Variants in MANBA observed in about 807,000 individuals in gnomAD.
The protein encoded by MANBA is beta-mannosidase.
In MANBA, 83 loss-of-function variants were observed where a neutral mutation model predicts 111.1. The ratio of observed to expected loss-of-function variants is 0.75; its 90% CI spans 0.63 to 0.90. The LOEUF is 0.90. MANBA is among the 40% of genes least tolerant of loss of function. The pLI, the probability that MANBA is intolerant of heterozygous loss-of-function variation, is 0.00. For synonymous variants in MANBA, 370 were observed against 378.7 expected, an observed-to-expected ratio of 0.98 and a Z score of 0.27; for missense variants, 1,036 against 1,069.0, an observed-to-expected ratio of 0.97 and a Z score of 0.43.
At chr4:102,683,938 T>A (rs1217701013) in intron 7 of MANBA, among the ~76,000 whole-genome samples, 2 of 152,208 alleles carry the variant, frequency 1.3e-5, no homozygotes, top group Non-Finnish European at 2.9e-5. Flanking sequence ...CATCAAGATA[T>A]TCTGCCATGT....
intron 16 of MANBA, among the ~76,000 whole-genome samples, chr4:102,634,515 G>A (rs1221023858): frequency 2.6e-5 from 4 of 152,328 alleles, no homozygotes; most frequent in Middle Eastern, 3.4e-3. Flanking sequence ...GTGATGACTC[G>A]AGCTTCCTCT....
intron 1 of MANBA, among the ~76,000 whole-genome samples, chr4:102,740,897 G>T (rs1653298422): frequency 6.6e-6 from 1 of 151,448 alleles, no homozygotes; most frequent in African/African-American, 2.4e-5. Flanking sequence ...TTTAGGCAAA[G>T]ACTTCCTAAG....
intron 7 of MANBA, among the ~76,000 whole-genome samples, chr4:102,674,880 T>C (rs1453912172): frequency 2.0e-5 from 3 of 152,234 alleles, no homozygotes; most frequent in Admixed American, 2.0e-4. Context: ...CACACATTTC[T>C]CTAACTTAAA....
Position 102,652,657 on chromosome 4 carries a change from G to A in MANBA, c.1705-1956C>T, listed in dbSNP as rs535184331. Reference sequence around the variant, plus strand: ...TGTAATCCCAGCACTTTGGGAGGCTGAGGTGGGAGGATTGCTTGAGCCCAG... The same window carrying A: ...TGTAATCCCAGCACTTTGGGAGGCTAAGGTGGGAGGATTGCTTGAGCCCAG... On this transcript the variant is annotated intron_variant, in intron 12 of 16. Coordinates refer to ENST00000647097, the MANE Select transcript of MANBA (RefSeq NM_005908.4). Among the ~76,000 whole-genome samples, 8 of 152,284 alleles carry A rather than the reference G, an allele frequency of 5.3e-5. No individual in the cohort carries two copies. In the South Asian group the frequency reaches 1.7e-3, roughly 32 times the overall value.
intron 7 of MANBA, among the ~76,000 whole-genome samples, chr4:102,684,059 G>T (rs1732099672): frequency 6.6e-6 from 1 of 151,416 alleles, no homozygotes; most frequent in Non-Finnish European, 1.5e-5. Context: ...AACTTCCCCA[G>T]GACCTTTTGT....
chr4:102,743,068 G>A (rs998292474), intron 1 of MANBA, among the ~76,000 whole-genome samples: 2 of 152,224 alleles, frequency 1.3e-5, no homozygotes, highest in African/African-American at 4.8e-5. Context: ...GCTGAGTGTT[G>A]TCCACAGAAC....
intron 16 of MANBA, 111 bp downstream of exon 16, chr4:102,634,677 C>G (rs988268205): frequency 2.8e-6 from 4 of 1,450,050 alleles, no homozygotes. Context: ...CTCAGGTAAA[C>G]TCAGCACCAA....
intron 4 of MANBA, among the ~76,000 whole-genome samples, chr4:102,721,909 A>G (rs1396889313): frequency 1.3e-5 from 2 of 151,890 alleles, no homozygotes; most frequent in Non-Finnish European, 2.9e-5. Context: ...GTTCGCCTGT[A>G]GTCCTAGCTA....
In MANBA at chr4:102,714,567, A is replaced by G. The variant is rs776098171; in HGVS notation, c.550-6T>C. 6.2e-6 allele frequency: 10 copies of G among 1,606,620 alleles called. No individual in the cohort carries two copies. The highest frequency in any genetic ancestry group is 7.7e-6 in the Non-Finnish European group (9 of 1,173,386). On this transcript the variant is annotated splice_polypyrimidine_tract_variant and splice_region_variant and intron_variant, in intron 4 of 16. Coordinates refer to ENST00000647097, the MANE Select transcript of MANBA (RefSeq NM_005908.4). ...CAACTAAAGGAACATTGCTCCTGCAATTTCAAGGAGAAAAAGAAGATATAT... is the reference window on the plus strand; with the variant it reads ...CAACTAAAGGAACATTGCTCCTGCAGTTTCAAGGAGAAAAAGAAGATATAT...
rs190316765 is a variant in MANBA, at chr4:102,719,209, C to T, written c.549+3662G>A. On this transcript the variant is annotated intron_variant, in intron 4 of 16. Transcript: ENST00000647097. Reference sequence around the variant, plus strand: ...GTCTACAGACCTACCCCCAGGAATGCATTCCTTCCCCAGGGTTACTCCTTG... The same window carrying T: ...GTCTACAGACCTACCCCCAGGAATGTATTCCTTCCCCAGGGTTACTCCTTG... Among the ~76,000 whole-genome samples, 356 of 152,286 alleles carry T rather than the reference C, an allele frequency of 2.3e-3. 1 individual carries two copies. The highest frequency in any genetic ancestry group is 8.3e-3 in the African/African-American group (347 of 41,560).
chr4:102,670,151 T>C (rs1463028196), intron 9 of MANBA, among the ~76,000 whole-genome samples: 1 of 103,706 alleles, frequency 9.6e-6, no homozygotes, highest in Non-Finnish European at 1.7e-5. Flanking sequence ...CCAGACTCCA[T>C]ATCAAAAAAA....
At chr4:102,653,212 A>C (rs959033524) in intron 12 of MANBA, among the ~76,000 whole-genome samples, 1 of 147,550 alleles carries the variant, frequency 6.8e-6, no homozygotes, top group African/African-American at 2.5e-5. Context: ...GCATATGCAG[A>C]TCTACATGCA....
chr4:102,661,364 C>A (rs1192984129), intron 11 of MANBA, among the ~76,000 whole-genome samples: 1 of 152,142 alleles, frequency 6.6e-6, no homozygotes, highest in Non-Finnish European at 1.5e-5. Flanking sequence ...TCCCATGTTT[C>A]CCTTTGACAG....
chr4:102,717,129 A>T (rs955973600), intron 4 of MANBA, among the ~76,000 whole-genome samples: 6 of 152,212 alleles, frequency 3.9e-5, no homozygotes, highest in African/African-American at 4.8e-5. Flanking sequence ...ATTAAGAGCT[A>T]CAAATCACTC....
At chr4:102,663,475 T>C (rs1560757129) in intron 11 of MANBA, among the ~76,000 whole-genome samples, 1 of 152,220 alleles carries the variant, frequency 6.6e-6, no homozygotes, top group Admixed American at 6.5e-5. Context: ...ATAAAATAAG[T>C]GTTCTGTAAA....
At chr4:102,752,547 T>C (rs1186201271) in intron 1 of MANBA, 2 of 692,844 alleles carry the variant, frequency 2.9e-6, no homozygotes, top group Non-Finnish European at 5.5e-6. Context: ...GAGTGTAGAC[T>C]GGATAGGGAC....
chr4:102,662,799 T>G (rs1731029793), intron 11 of MANBA: 1 of 157,070 alleles, frequency 6.4e-6, no homozygotes, highest in Non-Finnish European at 1.4e-5. Flanking sequence ...AGGAGTCTAC[T>G]GTGCTACCCA....
At chr4:102,670,285 T>C (rs971071273) in intron 9 of MANBA, among the ~76,000 whole-genome samples, 1 of 152,104 alleles carries the variant, frequency 6.6e-6, no homozygotes, top group Non-Finnish European at 1.5e-5. Context: ...AGTTTCCTTA[T>C]CTGTAAATGG....
chr4:102,709,511 TC>T (rs375309590), intron 5 of MANBA, among the ~76,000 whole-genome samples: 1 of 152,008 alleles, frequency 6.6e-6, no homozygotes, highest in Non-Finnish European at 1.5e-5. Flanking sequence ...AATAAAATCT[TC>T]CAACAGAAAA....
Sources: allele counts gnomAD v4.1 joint callset (sites outside exome capture counted in the v4.1 genomes callset), GRCh38; gene constraint gnomAD v4.1.1; transcripts MANE v1.5; gene names NCBI Gene and HGNC (gene_info 2026-07-23, HGNC 2026-07-21).